Variants in TTF2 observed in about 807,000 individuals in gnomAD.
TTF2 encodes transcription termination factor 2, also known as RNA polymerase II termination factor.
TTF2 carries 108 observed loss-of-function variants against 142.4 expected under a neutral mutation model. The observed-to-expected ratio is 0.76, with a 90% CI of 0.65 to 0.89. TTF2 has a LOEUF of 0.89. TTF2 is among the 40% of genes least tolerant of loss of function. TTF2 has a pLI of 0.00. For synonymous variants in TTF2, 483 were observed against 506.2 expected (o/e 0.95, Z 0.61); for missense variants, 1,327 against 1,379.8 (o/e 0.96, Z 0.61).
Position 117,063,195 on chromosome 1 carries a change from G to A in TTF2, c.218+722G>A, listed in dbSNP as rs1655822751. On this transcript the variant is annotated intron_variant, in intron 3 of 22. Transcript: ENST00000369466. The surrounding 1 kb of genome is among the most constrained non-coding windows in gnomAD (Gnocchi z 4.1). ...CCCCCACCCAATTAAAGGCATTTGA[G>A]TACCACCTACAATTTTTATATACCT... Among the ~76,000 whole-genome samples the A allele has an allele frequency of 1.3e-5, 2 of 152,060 alleles. No homozygotes were observed. The highest frequency in any genetic ancestry group is 4.1e-4 in the South Asian group (2 of 4,826).
rs965335635 is a variant in TTF2 at position 117,070,577 on chromosome 1, G to A, written c.219-3084G>A. Among the ~76,000 whole-genome samples, 1 of 152,184 alleles carries A rather than the reference G, an allele frequency of 6.6e-6. No individual in the cohort carries two copies. The highest frequency in any genetic ancestry group is 2.4e-5 in the African/African-American group (1 of 41,432). ...AGTAAAGATTTCAAGTACTTGATAT[G>A]CTTTAAACAACAGCAGGAGTTTGTT... On this transcript the variant is annotated intron_variant, in intron 3 of 22. Transcript: ENST00000369466. The surrounding 1 kb of genome is among the most constrained non-coding windows in gnomAD (Gnocchi z 4.2).
intron 9 of TTF2, 122 bp from the exon 10 acceptor site, chr1:117,081,706 G>A: frequency 8.2e-7 from 1 of 1,214,848 alleles, no homozygotes; most frequent in South Asian, 1.6e-5. Flanking sequence ...GCACAGAGTA[G>A]TGACGGAGTG....
At position 117,076,698 on chromosome 1, in the gene TTF2, C is replaced by G. The variant is rs374922089; in HGVS notation, c.1448C>G (p.Thr483Ser). ...VPQQSHFTKT[T>S]TGPPHLVPPQ... ...CAGCAGAGTCACTTCACCAAAACTA[C>G]CACTGGCCCTCCCCACCTGGTGCCT... The change falls in exon 7 of 23, where the codon ACC (threonine) becomes AGC (serine). Residue 483 changes from threonine (T) to serine (S), a missense_variant. Physicochemically the swap from Thr to Ser is moderately conservative, Grantham distance 58. Transcript: ENST00000369466. This position sits in a 1 kb window ranked among gnomAD's most constrained non-coding sequence, Gnocchi z 4.6. 1.9e-6 allele frequency: 3 copies of G among 1,613,968 alleles called. No individual in the cohort carries two copies. The highest frequency in any genetic ancestry group is 2.7e-5 in the African/African-American group (2 of 74,942).
Position 117,075,056 on chromosome 1 carries a change from A to G in TTF2, c.472A>G (p.Lys158Glu). 1 of 1,614,068 alleles carries G rather than the reference A, an allele frequency of 6.2e-7. No homozygotes were observed. Among genetic ancestry groups the G allele is most frequent in the Non-Finnish European group, 8.5e-7 (1 of 1,180,000 alleles). ...GAAGGCTGATAAGAAGCAAAGAGAA[A>G]AGGGAGATCAGCTTTTCGATCAAAA... ...EKKADKKQRE[K>E]GDQLFDQKKE... Residue 158 changes from lysine (K) to glutamate (E), a missense_variant, in exon 5 of 23, where the codon AAG (lysine) becomes GAG (glutamate). Coordinates refer to ENST00000369466, the MANE Select transcript of TTF2 (RefSeq NM_003594.4). This position sits in a 1 kb window ranked among gnomAD's most constrained non-coding sequence, Gnocchi z 4.5.
At position 117,070,021 on chromosome 1, in the gene TTF2, A is replaced by G. The variant is rs1656453816; in HGVS notation, c.219-3640A>G. ...CCACTGCATTCTTTGTTGATTTACA[A>G]TATAATAAAACGTAACAAACAAACT... On this transcript the variant is annotated intron_variant, in intron 3 of 22. Transcript: ENST00000369466. This position sits in a 1 kb window ranked among gnomAD's most constrained non-coding sequence, Gnocchi z 4.2. Among the ~76,000 whole-genome samples the G allele has an allele frequency of 6.6e-6, 1 of 152,250 alleles. No individual in the cohort carries two copies. The highest frequency in any genetic ancestry group is 2.1e-4 in the South Asian group (1 of 4,836).
chr1:117,091,914 C>G lies in TTF2; in HGVS notation c.2769C>G (p.Leu923=), dbSNP rs1209854371. Residue 923 remains leucine (L), a synonymous_variant, in exon 17 of 23, where the codon CTC becomes CTG. Coordinates refer to ENST00000369466, the MANE Select transcript of TTF2 (RefSeq NM_003594.4). ...TVHILSQLLR[L]RQCCCHLSLL... ...ACATACTGTCCCAGTTGCTGAGACT[C>G]CGCCAGTGTTGCTGTCATCTTTCTT... 6.2e-7 allele frequency: 1 copy of G among 1,613,164 alleles called. No homozygotes were observed. Among genetic ancestry groups the G allele is most frequent in the African/African-American group, 1.3e-5 (1 of 74,832 alleles).
chr1:117,098,834 A>G lies in TTF2; in HGVS notation c.3271A>G (p.Asn1091Asp). The G allele has an allele frequency of 6.2e-7, 1 of 1,611,274 alleles. No homozygotes were observed. Among genetic ancestry groups the G allele is most frequent in the South Asian group, 1.1e-5 (1 of 90,670 alleles). The change falls in exon 22 of 23, where the codon AAT becomes GAT. Residue 1091 changes from asparagine (N) to aspartate (D), a missense_variant and splice_region_variant. Transcript: ENST00000369466. ...NHLFLLDMHW[N>D]PSLEDQACDR... Reference sequence around the variant, plus strand: ...TGAGCTTTAGCTGTCTTCTAACAGGAATCCATCACTTGAAGATCAAGCTTG... The same window carrying G: ...TGAGCTTTAGCTGTCTTCTAACAGGGATCCATCACTTGAAGATCAAGCTTG...
In TTF2 at chr1:117,060,522, CCGGGCAGACACGTGCAGCTTCGTG is replaced by C; in HGVS notation, c.102_125del (p.Asp35_Ala42del). 1 of 1,613,892 alleles carries C rather than the reference CCGGGCAGACACGTGCAGCTTCGTG, an allele frequency of 6.2e-7. No individual in the cohort carries two copies. Among genetic ancestry groups the C allele is most frequent in the Non-Finnish European group, 8.5e-7 (1 of 1,179,842 alleles). ...ATAAAGGAAAGAGCTTCTACGTGTG[CCGGGCAGACACGTGCAGCTTCGTG>C]CGGGCCACCGAGTAGGTCTGGAGCT... On this transcript the variant is annotated inframe_deletion, in exon 2 of 23. Transcript: ENST00000369466.
At chr1:117,068,821 C>A (rs144996452) in intron 3 of TTF2, among the ~76,000 whole-genome samples, 1 of 152,172 alleles carries the variant, frequency 6.6e-6, no homozygotes, top group Non-Finnish European at 1.5e-5. Context: ...ACTTGTGAGG[C>A]GGTGTACAGT....
chr1:117,082,038 G>A lies in TTF2; in HGVS notation c.1903+91G>A, dbSNP rs376728782. ...TCTTCAGCTAAAAAAGGACACCTTT[G>A]GTCATATTTAATTACTCTACTGGAA... On this transcript the variant is annotated intron_variant, in intron 10 of 22. Coordinates refer to ENST00000369466, the MANE Select transcript of TTF2 (RefSeq NM_003594.4). The A allele has an allele frequency of 4.1e-5, 65 of 1,584,058 alleles. No homozygotes were observed. In the African/African-American group the frequency reaches 7.5e-4, roughly 18 times the overall value.
At chr1:117,083,469 TAG>T (rs1647716606) in intron 10 of TTF2, among the ~76,000 whole-genome samples, 2 of 151,756 alleles carry the variant, frequency 1.3e-5, no homozygotes, top group Non-Finnish European at 2.9e-5. Flanking sequence ...AATTTTAAGG[TAG>T]AAGTACATTA....
intron 20 of TTF2, among the ~76,000 whole-genome samples, 165 bp downstream of exon 20, chr1:117,096,464 G>T (rs547109315): frequency 2.0e-5 from 3 of 152,144 alleles, no homozygotes; most frequent in Non-Finnish European, 4.4e-5. Context: ...CGCAACCTCC[G>T]CCTCCCGGGT....
At chr1:117,077,092 A>G (rs921576790) in intron 7 of TTF2, among the ~76,000 whole-genome samples, 2 of 152,092 alleles carry the variant, frequency 1.3e-5, no homozygotes, top group African/African-American at 4.8e-5. Flanking sequence ...AAAGTTTAAA[A>G]TAGGTATGTA....
At chr1:117,082,993 A>C (rs1172996567) in intron 10 of TTF2, among the ~76,000 whole-genome samples, 1 of 152,150 alleles carries the variant, frequency 6.6e-6, no homozygotes, top group Non-Finnish European at 1.5e-5. Context: ...CTGTAATCCC[A>C]GCACTTTGGG....
Position 117,088,838 on chromosome 1 carries a change from G to A in TTF2, c.2198G>A (p.Arg733Gln), listed in dbSNP as rs759255274. ...CCTTTGCTTCGAATAGCCTGGGCTC[G>A]AATCATATTGGATGAAGCTCACAAT... is the stretch of plus-strand genomic sequence containing the variant. ...STPLLRIAWA[R>Q]IILDEAHNVK... Residue 733 changes from arginine (R) to glutamine (Q), a missense_variant, in exon 13 of 23, where the codon CGA becomes CAA. Transcript: ENST00000369466. The A allele has an allele frequency of 2.5e-6, 4 of 1,613,834 alleles. No individual in the cohort carries two copies. The highest frequency in any genetic ancestry group is 1.3e-5 in the African/African-American group (1 of 74,874).
intron 18 of TTF2, among the ~76,000 whole-genome samples, chr1:117,094,027 G>A (rs1351220937): frequency 1.3e-5 from 2 of 152,160 alleles, no homozygotes; most frequent in Non-Finnish European, 2.9e-5. Context: ...CAAGACACCA[G>A]GCACATCAGT....
At chr1:117,065,643 G>A (rs972711063) in intron 3 of TTF2, among the ~76,000 whole-genome samples, 3 of 152,144 alleles carry the variant, frequency 2.0e-5, no homozygotes, top group African/African-American at 7.2e-5. Context: ...TCATTACAGA[G>A]TTCCTATGCA....
intron 15 of TTF2, 119 bp from the exon 16 acceptor site, chr1:117,091,209 A>T: frequency 6.8e-6 from 5 of 739,156 alleles, no homozygotes; most frequent in Non-Finnish European, 1.0e-5. Context: ...ATTGCTTCTT[A>T]TGAGCTTGGC....
intron 3 of TTF2, among the ~76,000 whole-genome samples, chr1:117,066,115 G>T (rs1352474528): frequency 2.0e-5 from 3 of 150,278 alleles, no homozygotes; most frequent in Non-Finnish European, 1.5e-5. Context: ...GGGATTACAG[G>T]TGTGGGCCAC....
Sources: gnomAD v4.1 joint callset for allele counts (sites outside exome capture counted in the v4.1 genomes callset) on GRCh38, gnomAD v4.1.1 for gene constraint, Gnocchi (gnomAD v3.1) non-coding constraint, MANE v1.5 for transcripts, NCBI Gene and HGNC (gene_info 2026-07-23, HGNC 2026-07-21) for gene names.